The following CNTNAP3B variants were observed in gnomAD, a reference collection of about 807,000 sequenced individuals.
CNTNAP3B encodes contactin-associated protein-like 3B.
Under a neutral mutation model 108.9 loss-of-function variants are expected in CNTNAP3B, and 25 were observed. That is an observed-to-expected ratio of 0.23 (90% CI 0.17 to 0.32). CNTNAP3B has a LOEUF of 0.32. Ranked by LOEUF, CNTNAP3B falls within the 10% of genes least tolerant of loss-of-function variation. The pLI is 1.00. For missense variants in CNTNAP3B, 252 were observed against 1,210.4 expected (o/e 0.21, Z 11.75); for synonymous variants, 103 against 473.4 (o/e 0.22, Z 10.16).
chr9:41,950,612 G>A lies in CNTNAP3B; in HGVS notation c.2080+2571C>T, dbSNP rs563037244. 9.5e-5 allele frequency among the ~76,000 whole-genome samples: 14 copies of A among 147,858 alleles called. No homozygotes were observed. The South Asian group carries it at 2.6e-3, about 27-fold the overall frequency. On this transcript the variant is annotated intron_variant, in intron 13 of 23. Transcript: ENST00000377561. Reference sequence around the variant, plus strand: ...ATGAATCTAGAGAGGATTACACAGAGTGAAAAAAACTCAACCACAAAGAGT... The same window carrying A: ...ATGAATCTAGAGAGGATTACACAGAATGAAAAAAACTCAACCACAAAGAGT...
intron 3 of CNTNAP3B, among the ~76,000 whole-genome samples, chr9:42,061,471 T>C (rs1276921635): frequency 1.5e-5 from 2 of 133,848 alleles, no homozygotes; most frequent in African/African-American, 3.0e-5. Flanking sequence ...GCGAGCACCA[T>C]GCCCAGCTAA....
chr9:41,947,283 A>T (rs1418997163), intron 13 of CNTNAP3B, among the ~76,000 whole-genome samples: 4 of 152,192 alleles, frequency 2.6e-5, no homozygotes, highest in African/African-American at 9.7e-5. Context: ...AAACCTCAAC[A>T]TATTTAAAAG....
chr9:42,077,064 T>C lies in CNTNAP3B; in HGVS notation c.197-2A>G, dbSNP rs191459199. 1,781 of 1,539,152 alleles carry C rather than the reference T, an allele frequency of 1.2e-3. 416 individuals carry two copies. In the African/African-American group the frequency reaches 0.025, roughly 22 times the overall value. On this transcript the variant is annotated splice_acceptor_variant, in intron 2 of 23. Coordinates refer to ENST00000377561, the MANE Select transcript of CNTNAP3B (RefSeq NM_001201380.3). LOFTEE classifies it high-confidence loss of function. The stretch of plus-strand genomic sequence containing the variant: ...CAAGTGGGGTCCAGCCACCAGCTCC[T>C]TTTTTGAAACAGAAAAAGTATAAAA...
chr9:42,112,355 C>A lies in CNTNAP3B; in HGVS notation c.86-7616G>T, dbSNP rs1288452011. ...ATGAATTACACCTCTGGAGAAGGAG[C>A]AGCACCTCACTCACAGGGAGCCACA... is the stretch of plus-strand genomic sequence containing the variant. On this transcript the variant is annotated intron_variant, in intron 1 of 23. Coordinates refer to ENST00000377561, the MANE Select transcript of CNTNAP3B (RefSeq NM_001201380.3). Among the ~76,000 whole-genome samples the A allele has an allele frequency of 1.1e-4, 16 of 139,362 alleles. 3 individuals are homozygous for A. Among genetic ancestry groups the A allele is most frequent in the Admixed American group, 1.1e-3 (16 of 14,032 alleles). 91.4% of individuals were successfully genotyped at this position (139,362 alleles called of 152,430 possible).
intron 3 of CNTNAP3B, among the ~76,000 whole-genome samples, chr9:42,056,703 C>T (rs1312950844): frequency 7.5e-6 from 1 of 134,042 alleles, no homozygotes; most frequent in Non-Finnish European, 1.6e-5. Context: ...CTTATCAATC[C>T]TTCTCAATTT....
chr9:41,942,661 TCTC>T (rs1173810164), intron 13 of CNTNAP3B, among the ~76,000 whole-genome samples: 1 of 152,074 alleles, frequency 6.6e-6, no homozygotes, highest in African/African-American at 2.4e-5. Context: ...ATAGGATGCT[TCTC>T]CTCTCCCCGC....
At position 41,915,608 on chromosome 9, in the gene CNTNAP3B, T is replaced by C. The variant is rs1305250533; in HGVS notation, c.2995+4462A>G. On this transcript the variant is annotated intron_variant, in intron 18 of 23. Transcript: ENST00000377561. ...TGAGTATGATGTTAGTTGCAGGTTT[T>C]TCATATATGGCGTTTATCATATTGA... Among the ~76,000 whole-genome samples, 5 of 140,114 alleles carry C rather than the reference T, an allele frequency of 3.6e-5. No homozygotes were observed. In the East Asian group the frequency reaches 8.1e-4, roughly 23 times the overall value. The allele number at this position is 140,114 out of a possible 152,430, so 91.9% of individuals were successfully genotyped here.
At chr9:41,921,233 T>TTAAA (rs1201520980) in intron 17 of CNTNAP3B, among the ~76,000 whole-genome samples, 2 of 152,292 alleles carry the variant, frequency 1.3e-5, no homozygotes, top group Non-Finnish European at 2.9e-5. Context: ...AGGCATTCCC[T>TTAAA]TAAATAATCT....
At chr9:42,096,718 G>A (rs1827908999) in intron 2 of CNTNAP3B, among the ~76,000 whole-genome samples, 1 of 108,670 alleles carries the variant, frequency 9.2e-6, no homozygotes, top group Admixed American at 9.5e-5. Flanking sequence ...TGAGTTTCTG[G>A]CTGACTTACG....
chr9:42,038,641 A>G (rs1826682927), intron 3 of CNTNAP3B, among the ~76,000 whole-genome samples: 1 of 111,404 alleles, frequency 9.0e-6, no homozygotes, highest in African/African-American at 3.8e-5. Context: ...AAGTCCTTAG[A>G]GACTTACAGA....
chr9:41,940,598 T>C (rs1284387494), intron 13 of CNTNAP3B, among the ~76,000 whole-genome samples: 1 of 152,276 alleles, frequency 6.6e-6, no homozygotes, highest in Non-Finnish European at 1.5e-5. Flanking sequence ...GGTGGGCGGA[T>C]CACGAGGTCA....
At chr9:41,943,495 G>A (rs1201784546) in intron 13 of CNTNAP3B, among the ~76,000 whole-genome samples, 5 of 151,964 alleles carry the variant, frequency 3.3e-5, no homozygotes, top group Admixed American at 1.3e-4. Context: ...TGGGACTACA[G>A]GCGCCTGCCA....
chr9:41,934,128 C>CATATAT (rs1393370310), intron 14 of CNTNAP3B, among the ~76,000 whole-genome samples: 2 of 19,426 alleles, frequency 1.0e-4, no homozygotes, highest in African/African-American at 4.5e-4. Flanking sequence ...TATATACACA[C>CATATAT]ACATATATAT....
At chr9:42,021,969 C>G (rs567184393) in intron 3 of CNTNAP3B, among the ~76,000 whole-genome samples, 2 of 117,478 alleles carry the variant, frequency 1.7e-5, no homozygotes, top group Non-Finnish European at 3.5e-5. Flanking sequence ...TGGGCTTAGG[C>G]AAGCCAACCG....
In CNTNAP3B at chr9:42,103,232, C is replaced by A. The variant is rs544090670; in HGVS notation, c.196+1397G>T. Among the ~76,000 whole-genome samples, 637 of 145,140 alleles carry A rather than the reference C, an allele frequency of 4.4e-3. 18 individuals are homozygous for A. The highest frequency in any genetic ancestry group is 0.016 in the African/African-American group (598 of 36,486). ...TAGAATCTAAAGTAACGAAACAGAG[C>A]CCATATCTCTGCAACAAATGAAATC... On this transcript the variant is annotated intron_variant, in intron 2 of 23. Coordinates refer to ENST00000377561, the MANE Select transcript of CNTNAP3B (RefSeq NM_001201380.3).
In CNTNAP3B at chr9:42,129,279, G is replaced by A. The variant is rs1188184173; in HGVS notation, c.-185C>T. 1.8e-5 allele frequency: 14 copies of A among 759,262 alleles called. No homozygotes were observed. The highest frequency in any genetic ancestry group is 2.4e-5 in the Non-Finnish European group (14 of 573,278). 47.0% of individuals were successfully genotyped at this position (759,262 alleles called of 1,614,324 possible). On this transcript the variant is annotated 5_prime_UTR_variant, in exon 1 of 24. Transcript: ENST00000377561. ...CTCCCTCGGCGCTGCAGACCCTCCC[G>A]CCAAGCCGCGCCCGGCCCCAGCTGC...
rs1825215253 is a variant in CNTNAP3B at position 41,964,699 on chromosome 9, G to A, written c.1650-55C>T. 9 of 1,536,282 alleles carry A rather than the reference G, an allele frequency of 5.9e-6. No individual in the cohort carries two copies. In the South Asian group the frequency reaches 9.9e-5, roughly 17 times the overall value. On this transcript the variant is annotated intron_variant, in intron 10 of 23. Coordinates refer to ENST00000377561, the MANE Select transcript of CNTNAP3B (RefSeq NM_001201380.3). ...CCCTTTTTCAATCATCAAAAAATAA[G>A]TGTCTTACCAAAAACAGGTTAATGT... is the stretch of plus-strand genomic sequence containing the variant.
chr9:41,939,375 T>C (rs1824262278), intron 13 of CNTNAP3B, among the ~76,000 whole-genome samples: 1 of 152,308 alleles, frequency 6.6e-6, no homozygotes, highest in Admixed American at 6.5e-5. Flanking sequence ...CATTGGAATA[T>C]GAATCGAGAT....
chr9:41,940,115 C>T (rs1270049696), intron 13 of CNTNAP3B, among the ~76,000 whole-genome samples: 3 of 152,282 alleles, frequency 2.0e-5, no homozygotes, highest in Non-Finnish European at 2.9e-5. Flanking sequence ...AAGAACTGAG[C>T]CATAGGGTCC....
Sources: gnomAD v4.1 joint callset for allele counts (sites outside exome capture counted in the v4.1 genomes callset) on GRCh38, gnomAD v4.1.1 for gene constraint, MANE v1.5 for transcripts, NCBI Gene and HGNC (gene_info 2026-07-23, HGNC 2026-07-21) for gene names.